The following HEG1 variants were observed in gnomAD, a reference collection of about 807,000 sequenced individuals.
HEG1 encodes protein HEG homolog 1.
HEG1 carries 56 observed loss-of-function variants against 125.6 expected under a neutral mutation model. That is an observed-to-expected ratio of 0.45 (90% CI 0.36 to 0.56). The LOEUF (loss-of-function observed/expected upper bound fraction) is 0.56, where lower values mean the gene tolerates loss of function less well. Ranked by LOEUF, HEG1 falls within the 20% of genes least tolerant of loss-of-function variation. HEG1 has a pLI of 0.00. For missense variants in HEG1, 1,523 were observed against 1,670.0 expected, an observed-to-expected ratio of 0.91 and a Z score of 1.53; for synonymous variants, 644 against 668.5, an observed-to-expected ratio of 0.96 and a Z score of 0.57.
intron 15 of HEG1, among the ~76,000 whole-genome samples, chr3:124,974,777 G>A (rs992971835): frequency 6.6e-6 from 1 of 152,134 alleles, no homozygotes; most frequent in Admixed American, 6.5e-5. Context: ...TTCTAGGGAA[G>A]GCAAAAAGTG....
intron 1 of HEG1, among the ~76,000 whole-genome samples, chr3:125,031,414 G>C (rs145059632): frequency 6.6e-6 from 1 of 152,078 alleles, no homozygotes; most frequent in East Asian, 1.9e-4. Context: ...ACTGAGCAAG[G>C]GTGAGGACAG....
At chr3:124,978,802 A>AAAATT in intron 14 of HEG1, among the ~76,000 whole-genome samples, 1 of 140,086 alleles carries the variant, frequency 7.1e-6, no homozygotes, top group East Asian at 2.1e-4. Context: ...CTCTGTCTCA[A>AAAATT]AAATAAATAA....
intron 2 of HEG1, among the ~76,000 whole-genome samples, chr3:125,027,956 A>G (rs937451185): frequency 2.0e-5 from 3 of 152,226 alleles, no homozygotes; most frequent in African/African-American, 7.2e-5. Flanking sequence ...TTTCATATGC[A>G]TCTTTACAGA....
rs1316708531 is a variant in HEG1 at position 125,019,337 on chromosome 3, T to C, written c.1513A>G (p.Arg505Gly). The change falls in exon 5 of 17, where the codon AGG becomes GGG. Residue 505 changes from arginine to glycine, a missense_variant. Arg to Gly is a moderately radical substitution (Grantham distance 125). Coordinates refer to ENST00000311127, the MANE Select transcript of HEG1 (RefSeq NM_020733.2). ...GTAGATGAAGACTCTGAATAACTCCTATCTCCCAATGCTGTGTGACTTCCT... is the reference window on the plus strand; with the variant it reads ...GTAGATGAAGACTCTGAATAACTCCCATCTCCCAATGCTGTGTGACTTCCT... Reference protein sequence around the residue: ...SGGSHTALGDRSYSESSSTSS... With the variant: ...SGGSHTALGDGSYSESSSTSS... 1.9e-6 allele frequency: 3 copies of C among 1,614,006 alleles called. No homozygotes were observed. Among genetic ancestry groups the C allele is most frequent in the South Asian group, 1.1e-5 (1 of 91,084 alleles).
chr3:125,037,823 G>C (rs7611514), intron 1 of HEG1, among the ~76,000 whole-genome samples: 10,350 of 152,282 alleles, frequency 0.068, 672 homozygotes, highest in East Asian at 0.19. Flanking sequence ...AGACCATGTA[G>C]GTTAGACTTC....
At position 124,984,879 on chromosome 3, in the gene HEG1, G is replaced by C. The variant is rs1936713548; in HGVS notation, c.3733+5908C>G. ...GAGACTTTTGAAAGGCAGTAAGAGG[G>C]GAATGGTTAAGGAAGTTACAGTAGG... On this transcript the variant is annotated intron_variant, in intron 14 of 16. Transcript: ENST00000311127. Among the ~76,000 whole-genome samples the C allele has an allele frequency of 2.6e-5, 4 of 152,120 alleles. No individual in the cohort carries two copies. The South Asian group carries it at 8.3e-4, about 32-fold the overall frequency.
chr3:125,027,192 A>G lies in HEG1; in HGVS notation c.913+13T>C. 6.4e-7 allele frequency: 1 copy of G among 1,572,624 alleles called. No individual in the cohort carries two copies. Among genetic ancestry groups the G allele is most frequent in the Non-Finnish European group, 8.6e-7 (1 of 1,159,716 alleles). The stretch of plus-strand genomic sequence containing the variant: ...GTGACTTCCGAGTGTTAAGCTGGGT[A>G]TGTGGCACTCACATGAGGAAAGGTC... On this transcript the variant is annotated intron_variant, in intron 3 of 16. Transcript: ENST00000311127.
chr3:125,009,392 T>C (rs936212833), intron 8 of HEG1: 1 of 173,260 alleles, frequency 5.8e-6, no homozygotes, highest in African/African-American at 2.4e-5. Flanking sequence ...AATGATGGCA[T>C]AATATGCCGT....
intron 2 of HEG1, among the ~76,000 whole-genome samples, chr3:125,027,733 G>C (rs902217415): frequency 7.2e-5 from 11 of 152,122 alleles, no homozygotes; most frequent in African/African-American, 2.7e-4. Flanking sequence ...TCTCAGAAAA[G>C]GAGCTCACTG....
intron 8 of HEG1, among the ~76,000 whole-genome samples, chr3:125,008,910 A>G (rs957071413): frequency 1.7e-4 from 26 of 152,266 alleles, no homozygotes; most frequent in Non-Finnish European, 8.8e-5. Context: ...CACACCCTGC[A>G]AGCAAGAAAG....
intron 1 of HEG1, among the ~76,000 whole-genome samples, chr3:125,029,735 CA>C (rs1004265993): frequency 6.6e-6 from 1 of 151,926 alleles, no homozygotes; most frequent in South Asian, 2.1e-4. Context: ...ATTAAAAATA[CA>C]AAAAAATTAG....
intron 16 of HEG1, among the ~76,000 whole-genome samples, chr3:124,973,167 G>A (rs1322125126): frequency 1.3e-5 from 2 of 151,840 alleles, no homozygotes; most frequent in African/African-American, 2.4e-5. Flanking sequence ...AACCACAGGC[G>A]AGCACCACCA....
chr3:124,985,001 C>T (rs1936715530), intron 14 of HEG1, among the ~76,000 whole-genome samples: 1 of 152,166 alleles, frequency 6.6e-6, no homozygotes, highest in Non-Finnish European at 1.5e-5. Flanking sequence ...AAGCAGGTTA[C>T]AGAACAGTAT....
At chr3:124,980,563 CTGG>C (rs1936630356) in intron 14 of HEG1, among the ~76,000 whole-genome samples, 3 of 152,080 alleles carry the variant, frequency 2.0e-5, no homozygotes, top group Non-Finnish European at 4.4e-5. Context: ...ATTGCCCAGG[CTGG>C]AGTGCAATGG....
intron 14 of HEG1, among the ~76,000 whole-genome samples, chr3:124,990,069 T>A (rs1375008997): frequency 6.6e-6 from 1 of 152,014 alleles, no homozygotes; most frequent in Non-Finnish European, 1.5e-5. Context: ...GCCTGGGATG[T>A]CCTCCCCCCA....
At chr3:124,989,553 G>A (rs1936795319) in intron 14 of HEG1, among the ~76,000 whole-genome samples, 2 of 152,116 alleles carry the variant, frequency 1.3e-5, no homozygotes, top group African/African-American at 4.8e-5. Flanking sequence ...ATGAATATAA[G>A]AAAATGTCAG....
rs761042049 is a variant in HEG1 at position 125,027,308 on chromosome 3, C to T, written c.810G>A (p.Glu270=). The change falls in exon 3 of 17, where the codon GAG becomes GAA. Residue 270 remains glutamate (E), a synonymous_variant. Transcript: ENST00000311127. ...TTCTCTTCCTAGAAGGCGTGGTCAG[C>T]TCTCCCATCTCCAAAGCAGGAAGAA... ...PSFLPALEMG[E]LTTPSRKRNS... 8.1e-5 allele frequency: 130 copies of T among 1,613,802 alleles called. No homozygotes were observed. The highest frequency in any genetic ancestry group is 1.1e-4 in the Non-Finnish European group (128 of 1,179,880).
chr3:124,987,614 C>T (rs565527579), intron 14 of HEG1, among the ~76,000 whole-genome samples: 3 of 136,000 alleles, frequency 2.2e-5, no homozygotes, highest in Admixed American at 7.5e-5. Flanking sequence ...GCTCCGCCCC[C>T]CCAGGTTCAC....
At chr3:124,971,191 C>T (rs1483934571) in intron 16 of HEG1, 3 of 459,136 alleles carry the variant, frequency 6.5e-6, no homozygotes, top group African/African-American at 6.0e-5. Flanking sequence ...TTCAAAGTAG[C>T]AACAAAGGTA....
Sources: gnomAD v4.1 joint callset for allele counts (sites outside exome capture counted in the v4.1 genomes callset) on GRCh38, gnomAD v4.1.1 for gene constraint, MANE v1.5 for transcripts, NCBI Gene and HGNC (gene_info 2026-07-23, HGNC 2026-07-21) for gene names.